Variants in NOL4 observed in about 807,000 individuals in gnomAD.
NOL4 encodes nucleolar protein 4.
A neutral mutation model predicts 75.9 loss-of-function variants in NOL4; 17 were observed. The observed-to-expected ratio is 0.22, with a 90% CI of 0.15 to 0.34. The LOEUF is 0.34. NOL4 is among the 10% of genes least tolerant of loss of function. NOL4 has a pLI of 1.00. For missense variants in NOL4, 614 were observed against 793.5 expected (o/e 0.77, Z 2.72); for synonymous variants, 292 against 289.9 (o/e 1.01, Z -0.07).
intron 8 of NOL4, among the ~76,000 whole-genome samples, chr18:33,950,073 A>G (rs2069108518): frequency 6.6e-6 from 1 of 151,904 alleles, no homozygotes; most frequent in Admixed American, 6.6e-5. Flanking sequence ...TATGATGTAG[A>G]TTTCCTAATT....
chr18:34,007,850 G>T (rs1415344092), intron 6 of NOL4, among the ~76,000 whole-genome samples: 3 of 151,876 alleles, frequency 2.0e-5, no homozygotes, highest in Admixed American at 6.6e-5. Flanking sequence ...TGGAGATTCA[G>T]TATGGTTTAA....
intron 9 of NOL4, among the ~76,000 whole-genome samples, chr18:33,889,286 C>T (rs1286756005): frequency 6.6e-6 from 1 of 151,988 alleles, no homozygotes; most frequent in South Asian, 2.1e-4. Flanking sequence ...TGGATAAATT[C>T]CAGGACACAT....
Position 33,852,748 on chromosome 18 carries a change from TGCAGTAA to T in NOL4, c.*87_*93del. ...TGGAAGTATTTCTCTTAAAAGACTG[TGCAGTAA>T]GACCAGAAGTATCTCTGTTGGGAAA... is the stretch of plus-strand genomic sequence containing the variant. On this transcript the variant is annotated 3_prime_UTR_variant, in exon 11 of 11. Coordinates refer to ENST00000261592, the MANE Select transcript of NOL4 (RefSeq NM_003787.5). 9.6e-7 allele frequency: 1 copy of T among 1,046,500 alleles called. No individual in the cohort carries two copies. Among genetic ancestry groups the T allele is most frequent in the South Asian group, 1.5e-5 (1 of 66,802 alleles). The allele number at this position is 1,046,500 out of a possible 1,614,324, so 64.8% of individuals were successfully genotyped here.
intron 1 of NOL4, among the ~76,000 whole-genome samples, chr18:34,142,361 G>T (rs1568387981): frequency 6.6e-6 from 1 of 152,124 alleles, no homozygotes; most frequent in Non-Finnish European, 1.5e-5. Context: ...AAATCATGCT[G>T]CTATAAAGAC....
chr18:34,093,309 G>A (rs1299032385), intron 5 of NOL4, among the ~76,000 whole-genome samples, 156 bp downstream of exon 5: 1 of 152,078 alleles, frequency 6.6e-6, no homozygotes, highest in Non-Finnish European at 1.5e-5. Flanking sequence ...ATAGTGAAGT[G>A]GATGATATAA....
chr18:34,192,706 A>G (rs1358055741), intron 1 of NOL4, among the ~76,000 whole-genome samples: 2 of 152,214 alleles, frequency 1.3e-5, no homozygotes, highest in African/African-American at 2.4e-5. Flanking sequence ...TATTGCTTAA[A>G]TGTGTCTTCC....
chr18:33,980,380 A>T (rs758560876), intron 6 of NOL4, among the ~76,000 whole-genome samples: 1 of 152,144 alleles, frequency 6.6e-6, no homozygotes, highest in Non-Finnish European at 1.5e-5. Context: ...AGTTTTTAAC[A>T]GTGAATATCA....
chr18:33,969,444 G>C (rs992030467), intron 6 of NOL4, among the ~76,000 whole-genome samples: 2 of 151,868 alleles, frequency 1.3e-5, no homozygotes, highest in East Asian at 1.9e-4. Context: ...AATGATGTAG[G>C]CTTCTTCATA....
At chr18:34,163,364 CCTT>C (rs926788158) in intron 1 of NOL4, among the ~76,000 whole-genome samples, 17 of 151,548 alleles carry the variant, frequency 1.1e-4, no homozygotes, top group African/African-American at 3.4e-4. Flanking sequence ...CCCAAAATCT[CCTT>C]AAGCTGATAG....
At chr18:33,997,857 C>T (rs2073407424) in intron 6 of NOL4, among the ~76,000 whole-genome samples, 1 of 151,300 alleles carries the variant, frequency 6.6e-6, no homozygotes. Context: ...TAAAAACAAC[C>T]CAAATGTCCA....
chr18:34,164,886 A>G (rs1476902605), intron 1 of NOL4, among the ~76,000 whole-genome samples: 2 of 152,076 alleles, frequency 1.3e-5, no homozygotes, highest in East Asian at 3.9e-4. Flanking sequence ...TGTGGCACAT[A>G]TACACCATGG....
intron 8 of NOL4, among the ~76,000 whole-genome samples, chr18:33,945,895 T>A (rs2068801704): frequency 6.6e-6 from 1 of 151,750 alleles, no homozygotes; most frequent in African/African-American, 2.4e-5. Flanking sequence ...CTAGGTAGAT[T>A]AAGTAATTGC....
At chr18:34,031,452 T>C (rs1424973186) in intron 5 of NOL4, among the ~76,000 whole-genome samples, 2 of 152,190 alleles carry the variant, frequency 1.3e-5, no homozygotes, top group African/African-American at 2.4e-5. Flanking sequence ...CCTGTACATA[T>C]CTTGTCACTG....
intron 1 of NOL4, among the ~76,000 whole-genome samples, chr18:34,191,963 C>A (rs1413733808): frequency 1.3e-5 from 2 of 152,182 alleles, no homozygotes; most frequent in Non-Finnish European, 2.9e-5. Context: ...CACATATGCA[C>A]ATGTGCATGC....
intron 2 of NOL4, among the ~76,000 whole-genome samples, chr18:34,126,293 A>C (rs916100871): frequency 1.3e-5 from 2 of 152,166 alleles, no homozygotes; most frequent in East Asian, 1.9e-4. Flanking sequence ...ATACGAAATG[A>C]GTGTTAGATT....
chr18:33,947,373 C>T (rs911950766), intron 8 of NOL4, among the ~76,000 whole-genome samples: 2 of 151,474 alleles, frequency 1.3e-5, no homozygotes, highest in Non-Finnish European at 3.0e-5. Flanking sequence ...TAGATTTCAC[C>T]AGGAATGAGG....
At chr18:33,956,931 G>T (rs1042873477) in intron 8 of NOL4, among the ~76,000 whole-genome samples, 2 of 152,066 alleles carry the variant, frequency 1.3e-5, no homozygotes, top group Non-Finnish European at 2.9e-5. Flanking sequence ...GAATGCCATT[G>T]TTACATGCCA....
At chr18:33,965,853 T>A (rs955424278) in intron 6 of NOL4, among the ~76,000 whole-genome samples, 2 of 152,122 alleles carry the variant, frequency 1.3e-5, no homozygotes, top group African/African-American at 4.8e-5. Flanking sequence ...AAGAATGGAC[T>A]AATACTCCCT....
chr18:34,214,336 T>C (rs1300194092), intron 1 of NOL4, among the ~76,000 whole-genome samples: 2 of 152,094 alleles, frequency 1.3e-5, no homozygotes, highest in African/African-American at 4.8e-5. Context: ...TAAGTATTGG[T>C]AGAGTGTTAT....
Sources: allele counts gnomAD v4.1 joint callset (sites outside exome capture counted in the v4.1 genomes callset), GRCh38; gene constraint gnomAD v4.1.1; transcripts MANE v1.5; gene names NCBI Gene and HGNC (gene_info 2026-07-23, HGNC 2026-07-21).